Variants in DNAH14 observed in about 807,000 individuals in gnomAD.
The protein encoded by DNAH14 is dynein axonemal heavy chain 14.
In DNAH14, 478 loss-of-function variants were observed where a neutral mutation model predicts 520.9. The observed-to-expected ratio is 0.92, with a 90% CI of 0.85 to 0.99. The LOEUF is 0.99. Ranked by LOEUF, DNAH14 falls within the 50% of genes least tolerant of loss-of-function variation. The pLI is 0.00. For missense variants in DNAH14, 4,831 were observed against 5,234.5 expected (o/e 0.92, Z 2.38); for synonymous variants, 1,581 against 1,757.2 (o/e 0.90, Z 2.51).
At chr1:225,382,173 T>A (rs1538933) in intron 81 of DNAH14, among the ~76,000 whole-genome samples, 1 of 151,966 alleles carries the variant, frequency 6.6e-6, no homozygotes, top group Admixed American at 6.6e-5. Context: ...CAGCATTTGC[T>A]TTGAGGGAAA....
chr1:225,105,787 C>T (rs369924844), intron 23 of DNAH14, among the ~76,000 whole-genome samples: 12 of 151,896 alleles, frequency 7.9e-5, no homozygotes, highest in East Asian at 1.9e-4. Context: ...TGTCTCTGCA[C>T]GTGAGATGGG....
rs1429118265 is a variant in DNAH14, at chr1:225,335,542, TAC to T, written c.10081-1723_10081-1722del. ...GTACATATATACATATGTACATATA[TAC>T]GTATATACATATGTACATCTATGTA... On this transcript the variant is annotated intron_variant, in intron 66 of 85. Coordinates refer to ENST00000682510, the MANE Select transcript of DNAH14 (RefSeq NM_001367479.1). Among the ~76,000 whole-genome samples the T allele has an allele frequency of 3.6e-4, 30 of 83,604 alleles. 4 individuals are homozygous for T. The highest frequency in any genetic ancestry group is 7.2e-4 in the Admixed American group (6 of 8,278). 54.8% of individuals were successfully genotyped at this position (83,604 alleles called of 152,430 possible). A position where few individuals can be genotyped will look rare whatever the true frequency, so the allele number is the denominator to read the frequency against.
intron 41 of DNAH14, among the ~76,000 whole-genome samples, chr1:225,228,825 G>T (rs938586549): frequency 6.6e-6 from 1 of 152,152 alleles, no homozygotes; most frequent in Non-Finnish European, 1.5e-5. Flanking sequence ...GATTGTGGGA[G>T]AAATTATAGG....
intron 55 of DNAH14, among the ~76,000 whole-genome samples, chr1:225,296,995 G>C (rs2094023873): frequency 6.6e-6 from 1 of 152,132 alleles, no homozygotes; most frequent in Non-Finnish European, 1.5e-5. Flanking sequence ...GGGGACATTG[G>C]AGCTTCCTGG....
At chr1:225,308,903 C>G (rs1574667330) in intron 60 of DNAH14, among the ~76,000 whole-genome samples, 1 of 152,334 alleles carries the variant, frequency 6.6e-6, no homozygotes, top group East Asian at 1.9e-4. Context: ...TGATCAGTAG[C>G]TATTCCTGCT....
intron 81 of DNAH14, among the ~76,000 whole-genome samples, chr1:225,387,292 G>A (rs970936155): frequency 3.9e-5 from 6 of 152,044 alleles, no homozygotes; most frequent in South Asian, 2.1e-4. Flanking sequence ...TGTAAATGAC[G>A]AGTTAACGGG....
At chr1:225,224,290 G>C (rs370108376) in intron 41 of DNAH14, among the ~76,000 whole-genome samples, 17 of 151,222 alleles carry the variant, frequency 1.1e-4, no homozygotes, top group African/African-American at 4.1e-4. Flanking sequence ...GAGGCAACTA[G>C]ATTGCATAGA....
rs113841776 is a variant in DNAH14, at chr1:225,189,165, T to G, written c.5671-3531T>G. On this transcript the variant is annotated intron_variant, in intron 37 of 85. Coordinates refer to ENST00000682510, the MANE Select transcript of DNAH14 (RefSeq NM_001367479.1). ...AGTGGGTTACATTGATTGATTTTCT[T>G]ATGTTGAACTACCCTTGCATTCCTG... Among the ~76,000 whole-genome samples the G allele has an allele frequency of 2.5e-3, 380 of 151,936 alleles. 2 individuals carry two copies. The highest frequency in any genetic ancestry group is 8.5e-3 in the African/African-American group (351 of 41,522).
chr1:225,051,896 C>A, intron 17 of DNAH14, 101 bp downstream of exon 17: 1 of 845,588 alleles, frequency 1.2e-6, no homozygotes, highest in Non-Finnish European at 1.7e-6. Flanking sequence ...ATGTCACATG[C>A]AGAGTATGAT....
In DNAH14 at chr1:224,953,360, G is replaced by A. The variant is rs151066231; in HGVS notation, c.77+581G>A. Among the ~76,000 whole-genome samples the A allele has an allele frequency of 1.5e-3, 226 of 151,962 alleles. 1 individual carries two copies. The highest frequency in any genetic ancestry group is 5.1e-3 in the African/African-American group (213 of 41,448). On this transcript the variant is annotated intron_variant, in intron 2 of 85. Coordinates refer to ENST00000682510, the MANE Select transcript of DNAH14 (RefSeq NM_001367479.1). Reference sequence around the variant, plus strand: ...AGGCTGGTCTTGAACACCTGACCTCGTGATCCACCCGCCTCGGCCTCCCAA... The same window carrying A: ...AGGCTGGTCTTGAACACCTGACCTCATGATCCACCCGCCTCGGCCTCCCAA...
chr1:225,308,210 T>TA, intron 59 of DNAH14, 75 bp from the exon 60 acceptor site: 1 of 1,402,578 alleles, frequency 7.1e-7, no homozygotes. Flanking sequence ...TGAAATGAGA[T>TA]ATTTGAATTG....
chr1:224,940,284 T>C (rs2125391477), intron 1 of DNAH14, among the ~76,000 whole-genome samples: 1 of 152,292 alleles, frequency 6.6e-6, no homozygotes, highest in East Asian at 1.9e-4. Context: ...AACTGGCTAA[T>C]ATTATTTTCA....
Position 225,333,244 on chromosome 1 carries a change from G to A in DNAH14, c.9865-47G>A, listed in dbSNP as rs992263272. On this transcript the variant is annotated intron_variant, in intron 65 of 85. Transcript: ENST00000682510. ...AATCATTAATTTTAAAATATCTCAT[G>A]ATAATATATTTTATATAGAATAACT... The A allele has an allele frequency of 1.6e-5, 22 of 1,373,360 alleles. No homozygotes were observed. The African/African-American group carries it at 2.6e-4, about 16-fold the overall frequency. The allele number at this position is 1,373,360 out of a possible 1,614,324, so 85.1% of individuals were successfully genotyped here.
intron 10 of DNAH14, among the ~76,000 whole-genome samples, chr1:225,022,500 A>C (rs111938710): frequency 0.04 from 6,112 of 152,246 alleles, 207 homozygotes; most frequent in Non-Finnish European, 0.06. Flanking sequence ...ATATATTAAA[A>C]ATATGACCAC....
chr1:225,027,628 G>A (rs570022655), intron 11 of DNAH14, among the ~76,000 whole-genome samples: 59 of 152,192 alleles, frequency 3.9e-4, no homozygotes, highest in South Asian at 1.0e-3. Context: ...AGGAAGAGAT[G>A]TAGGGGGAGG....
At chr1:225,205,933 A>G (rs1258114454) in intron 39 of DNAH14, 38 bp from the exon 40 acceptor site, 3 of 1,462,642 alleles carry the variant, frequency 2.1e-6, no homozygotes, top group African/African-American at 1.4e-5. Flanking sequence ...GATGACGGAC[A>G]TTAGTCTCAG....
chr1:225,187,317 C>A (rs1218749697), intron 37 of DNAH14, among the ~76,000 whole-genome samples: 1 of 151,838 alleles, frequency 6.6e-6, no homozygotes, highest in Non-Finnish European at 1.5e-5. Context: ...ACCCCCTATT[C>A]TCCTATCTTC....
chr1:225,324,906 A>G (rs1362782689), intron 64 of DNAH14, 74 bp downstream of exon 64: 3 of 1,093,888 alleles, frequency 2.7e-6, no homozygotes, highest in Non-Finnish European at 3.9e-6. Flanking sequence ...AGAGCTTATC[A>G]GTTTCAGATA....
At chr1:224,973,114 C>T (rs1004850193) in intron 7 of DNAH14, among the ~76,000 whole-genome samples, 1 of 152,180 alleles carries the variant, frequency 6.6e-6, no homozygotes, top group Non-Finnish European at 1.5e-5. Context: ...GATTTAAGGT[C>T]AAGTTACTAG....
Sources: allele counts gnomAD v4.1 joint callset (sites outside exome capture counted in the v4.1 genomes callset), GRCh38; gene constraint gnomAD v4.1.1; transcripts MANE v1.5; gene names NCBI Gene and HGNC (gene_info 2026-07-23, HGNC 2026-07-21).